Variants in KMT2C observed in about 807,000 individuals in gnomAD.
KMT2C encodes the protein lysine methyltransferase 2C.
In KMT2C, 88 loss-of-function variants were observed where a neutral mutation model predicts 507.9. The observed-to-expected ratio is 0.17, with a 90% CI of 0.15 to 0.21. The LOEUF (loss-of-function observed/expected upper bound fraction) is 0.21, where lower values mean the gene tolerates loss of function less well. Ranked by LOEUF, KMT2C falls within the 10% of genes least tolerant of loss-of-function variation. The pLI, the probability that KMT2C is intolerant of heterozygous loss-of-function variation, is 1.00. For synonymous variants in KMT2C, 2,049 were observed against 2,080.8 expected, an observed-to-expected ratio of 0.98 and a Z score of 0.42; for missense variants, 4,954 against 5,957.8, an observed-to-expected ratio of 0.83 and a Z score of 5.55.
intron 1 of KMT2C, among the ~76,000 whole-genome samples, chr7:152,420,174 C>G (rs1382978559): frequency 6.6e-6 from 1 of 152,158 alleles, no homozygotes; most frequent in Non-Finnish European, 1.5e-5. Flanking sequence ...GGGTGATTAA[C>G]AGAGAACAAA....
intron 9 of KMT2C, among the ~76,000 whole-genome samples, chr7:152,254,837 A>T (rs1361907784): frequency 1.3e-5 from 2 of 152,074 alleles, no homozygotes; most frequent in African/African-American, 4.8e-5. Flanking sequence ...AATTCAATAA[A>T]AGAATTCAAC....
At chr7:152,292,609 T>G (rs540840200) in intron 6 of KMT2C, among the ~76,000 whole-genome samples, 32 of 152,296 alleles carry the variant, frequency 2.1e-4, no homozygotes, top group South Asian at 1.5e-3. Context: ...AAAAAACATT[T>G]TTAGCTCATG....
At chr7:152,416,305 G>A (rs2097734884) in intron 1 of KMT2C, among the ~76,000 whole-genome samples, 1 of 152,196 alleles carries the variant, frequency 6.6e-6, no homozygotes, top group South Asian at 2.1e-4. Context: ...CAGCACTTTG[G>A]GAGGCCGAGG....
At chr7:152,244,798 C>CA (rs1439386351) in intron 14 of KMT2C, among the ~76,000 whole-genome samples, 1 of 152,106 alleles carries the variant, frequency 6.6e-6, no homozygotes, top group Non-Finnish European at 1.5e-5. Context: ...TTCCTGTAGT[C>CA]AGTTAGGTTC....
chr7:152,281,298 T>A (rs943370837), intron 6 of KMT2C, among the ~76,000 whole-genome samples: 5 of 152,194 alleles, frequency 3.3e-5, no homozygotes, highest in African/African-American at 7.2e-5. Flanking sequence ...AGTATAATTT[T>A]AAAATAGACA....
intron 1 of KMT2C, among the ~76,000 whole-genome samples, chr7:152,398,959 T>C (rs13247913): frequency 0.05 from 7,662 of 151,836 alleles, 326 homozygotes; most frequent in African/African-American, 0.11. Context: ...TCTGAGTAGG[T>C]AGGACTACAG....
intron 7 of KMT2C, among the ~76,000 whole-genome samples, chr7:152,273,479 CTTTA>C (rs542033666): frequency 1.9e-4 from 29 of 152,210 alleles, no homozygotes; most frequent in Admixed American, 5.9e-4. Context: ...ACCATGCAAA[CTTTA>C]TTTGATTTTT....
Position 152,187,486 on chromosome 7 carries a change from A to G in KMT2C, c.4794-10T>C, listed in dbSNP as rs1011847595. On this transcript the variant is annotated splice_polypyrimidine_tract_variant and intron_variant, in intron 32 of 58. Transcript: ENST00000262189. ...GGCTGAATTTTTATCCCTGGGAAAA[A>G]ATAAATATCTTTACTTTATGAACAT... The G allele has an allele frequency of 1.1e-5, 17 of 1,601,168 alleles. No homozygotes were observed. The highest frequency in any genetic ancestry group is 1.7e-4 in the Middle Eastern group (1 of 6,040).
chr7:152,190,715 T>C (rs1013729157), intron 31 of KMT2C, among the ~76,000 whole-genome samples: 3 of 152,184 alleles, frequency 2.0e-5, no homozygotes, highest in Non-Finnish European at 2.9e-5. Context: ...TCTTGAAAAT[T>C]CTATTCTCTA....
At chr7:152,348,394 C>T (rs532395800) in intron 2 of KMT2C, among the ~76,000 whole-genome samples, 61 of 151,318 alleles carry the variant, frequency 4.0e-4, no homozygotes, top group African/African-American at 1.4e-3. Context: ...GTCAGGAGTT[C>T]GAGATCAGTC....
intron 1 of KMT2C, among the ~76,000 whole-genome samples, chr7:152,398,577 C>CA (rs1348188771): frequency 1.3e-5 from 2 of 151,350 alleles, no homozygotes; most frequent in African/African-American, 4.9e-5. Context: ...ATAAGAGGCT[C>CA]ACTCTGTCAC....
At position 152,146,741 on chromosome 7, in the gene KMT2C, CA is replaced by C. The variant is rs752653611; in HGVS notation, c.13895-7del. 5.6e-6 allele frequency: 9 copies of C among 1,612,954 alleles called. No individual in the cohort carries two copies. In the East Asian group the frequency reaches 2.0e-4, roughly 36 times the overall value. On this transcript the variant is annotated splice_polypyrimidine_tract_variant and splice_region_variant and intron_variant, in intron 52 of 58. Transcript: ENST00000262189. Reference sequence around the variant, plus strand: ...CAAAATCTTATCCCAGACACCTACACAGGGACAAAAACATAATTTTTATAGG... The same window carrying C: ...CAAAATCTTATCCCAGACACCTACACGGGACAAAAACATAATTTTTATAGG...
At chr7:152,266,389 C>A (rs547466070) in intron 7 of KMT2C, among the ~76,000 whole-genome samples, 1 of 152,094 alleles carries the variant, frequency 6.6e-6, no homozygotes, top group African/African-American at 2.4e-5. Context: ...GGCTTACAGG[C>A]GTGTGCCACC....
In KMT2C at chr7:152,182,336, A is replaced by G. The variant is rs1260558370; in HGVS notation, c.5524T>C (p.Ser1842Pro). Residue 1842 changes from serine to proline, a missense_variant, in exon 36 of 59, where the codon TCT becomes CCT. Transcript: ENST00000262189. ...KQPPSTPTST[S>P]SDDVFVKPQA... ...GGCTTTACAAACACATCATCTGAAG[A>G]TGTAGACGTAGGGGTACTGGGTGGC... 1 of 1,614,020 alleles carries G rather than the reference A, an allele frequency of 6.2e-7. No individual in the cohort carries two copies. The highest frequency in any genetic ancestry group is 2.2e-5 in the East Asian group (1 of 44,872).
chr7:152,298,975 T>C lies in KMT2C; in HGVS notation c.849+10991A>G, dbSNP rs532996950. On this transcript the variant is annotated intron_variant, in intron 6 of 58. Coordinates refer to ENST00000262189, the MANE Select transcript of KMT2C (RefSeq NM_170606.3). ...TATAATCTTAAAGCAACTACAAAAA[T>C]AATTTTTAAAAACAGGTAAAAGTAA... 2.2e-4 allele frequency among the ~76,000 whole-genome samples: 34 copies of C among 152,234 alleles called. 2 individuals are homozygous for C. Among genetic ancestry groups the C allele is most frequent in the African/African-American group, 7.7e-4 (32 of 41,554 alleles).
At chr7:152,423,469 C>T (rs1203724761) in intron 1 of KMT2C, among the ~76,000 whole-genome samples, 1 of 152,218 alleles carries the variant, frequency 6.6e-6, no homozygotes, top group East Asian at 1.9e-4. Context: ...AGGCTGTGTG[C>T]CCTTGGACTC....
At chr7:152,226,926 T>G (rs2094951560) in intron 18 of KMT2C, among the ~76,000 whole-genome samples, 1 of 152,358 alleles carries the variant, frequency 6.6e-6, no homozygotes, top group Admixed American at 6.5e-5. Context: ...AACAATGACC[T>G]GAAGATAAAG....
At chr7:152,213,441 G>A (rs555494101) in intron 23 of KMT2C, among the ~76,000 whole-genome samples, 1 of 152,152 alleles carries the variant, frequency 6.6e-6, no homozygotes, top group South Asian at 2.1e-4. Flanking sequence ...TTTTTGACAA[G>A]TCCAATAAGA....
chr7:152,176,936 A>G lies in KMT2C; in HGVS notation c.8517T>C (p.Thr2839=), dbSNP rs2129113909. Residue 2839 remains threonine, a synonymous_variant, in exon 38 of 59, where the codon ACT becomes ACC. Transcript: ENST00000262189. ...PNSKVESKCE[T]EKNDENKDNV... is the part of the protein sequence containing the mutation. ...TATCTTTATTCTCATCATTTTTTTC[A>G]GTTTCACATTTGGATTCCACCTTAG... 1 of 1,614,104 alleles carries G rather than the reference A, an allele frequency of 6.2e-7. No individual in the cohort carries two copies. Among genetic ancestry groups the G allele is most frequent in the Non-Finnish European group, 8.5e-7 (1 of 1,180,024 alleles).
Sources: gnomAD v4.1 joint callset for allele counts (sites outside exome capture counted in the v4.1 genomes callset) on GRCh38, gnomAD v4.1.1 for gene constraint, MANE v1.5 for transcripts, NCBI Gene and HGNC (gene_info 2026-07-23, HGNC 2026-07-21) for gene names.